The following LRCH1 variants were observed in gnomAD, a reference collection of about 807,000 sequenced individuals.
The protein encoded by LRCH1 is leucine rich repeats and calponin homology domain containing 1, also known as leucine-rich repeat and calponin homology domain-containing protein 1.
In LRCH1, 23 loss-of-function variants were observed where a neutral mutation model predicts 94.9. The ratio of observed to expected loss-of-function variants is 0.24; its 90% CI spans 0.17 to 0.34. The LOEUF (loss-of-function observed/expected upper bound fraction) is 0.34, where lower values mean the gene tolerates loss of function less well. Ranked by LOEUF, LRCH1 falls within the 10% of genes least tolerant of loss-of-function variation. The pLI is 1.00. For missense variants in LRCH1, 790 were observed against 945.9 expected, an observed-to-expected ratio of 0.84 and a Z score of 2.16; for synonymous variants, 364 against 354.9, an observed-to-expected ratio of 1.03 and a Z score of -0.29.
chr13:46,736,686 C>T (rs1049927482), intron 19 of LRCH1, among the ~76,000 whole-genome samples: 1 of 152,114 alleles, frequency 6.6e-6, no homozygotes, highest in African/African-American at 2.4e-5. Context: ...CACTGATTTC[C>T]TAGTAGTCAG....
chr13:46,661,372 G>C (rs1283068787), intron 2 of LRCH1, among the ~76,000 whole-genome samples: 1 of 152,192 alleles, frequency 6.6e-6, no homozygotes, highest in African/African-American at 2.4e-5. Flanking sequence ...AATCGTCTTA[G>C]TGCCAACACA....
chr13:46,715,564 A>C lies in LRCH1; in HGVS notation c.1659A>C (p.Pro553=), dbSNP rs759599859. Residue 553 remains proline (P), a synonymous_variant, in exon 16 of 20, where the codon CCA becomes CCC. Coordinates refer to ENST00000389797, the MANE Select transcript of LRCH1 (RefSeq NM_001164211.2). ...APFGLKPRSD[P]ALILPPISFN... The stretch of plus-strand genomic sequence containing the variant: ...GGCTCTCTGGCTCCCCTGCAGACCC[A>C]GCCCTCATTCTTCCTCCTATCTCCT... 1 of 1,535,656 alleles carries C rather than the reference A, an allele frequency of 6.5e-7. No homozygotes were observed. The highest frequency in any genetic ancestry group is 8.7e-7 in the Non-Finnish European group (1 of 1,145,378).
At chr13:46,588,631 C>T (rs1217709657) in intron 1 of LRCH1, among the ~76,000 whole-genome samples, 5 of 131,256 alleles carry the variant, frequency 3.8e-5, no homozygotes, top group African/African-American at 1.1e-4. Flanking sequence ...ACAGTCATCT[C>T]GCTCTGTCAC....
intron 3 of LRCH1, among the ~76,000 whole-genome samples, chr13:46,676,398 A>G (rs183032605): frequency 8.5e-5 from 13 of 152,310 alleles, no homozygotes; most frequent in African/African-American, 3.1e-4. Context: ...GATGTAGCAA[A>G]TGGACTTTCC....
chr13:46,598,396 C>G (rs567464546), intron 1 of LRCH1, among the ~76,000 whole-genome samples: 2 of 151,112 alleles, frequency 1.3e-5, no homozygotes, highest in Non-Finnish European at 2.9e-5. Flanking sequence ...TTGCTTGTCT[C>G]GGGGGAAAAG....
chr13:46,727,839 T>C (rs1872897489), intron 17 of LRCH1, among the ~76,000 whole-genome samples: 1 of 152,126 alleles, frequency 6.6e-6, no homozygotes, highest in South Asian at 2.1e-4. Flanking sequence ...AAATCAAAAG[T>C]TTAATTTTTA....
intron 3 of LRCH1, among the ~76,000 whole-genome samples, chr13:46,676,940 A>ATT (rs1486021617): frequency 1.3e-5 from 2 of 152,002 alleles, no homozygotes; most frequent in African/African-American, 4.8e-5. Context: ...ACCATGCCCG[A>ATT]CTAATTTTTT....
intron 11 of LRCH1, among the ~76,000 whole-genome samples, chr13:46,702,084 A>G (rs1369557651): frequency 2.0e-5 from 3 of 152,248 alleles, no homozygotes; most frequent in African/African-American, 4.8e-5. Context: ...TTCTGCAGAC[A>G]TTAATTGAGT....
At chr13:46,615,626 C>A (rs757679597) in intron 1 of LRCH1, among the ~76,000 whole-genome samples, 46 of 152,150 alleles carry the variant, frequency 3.0e-4, no homozygotes, top group Non-Finnish European at 4.4e-4. Context: ...TCAAGATATT[C>A]ATGATGGATC....
intron 1 of LRCH1, among the ~76,000 whole-genome samples, chr13:46,617,102 C>T (rs983803884): frequency 8.5e-5 from 13 of 152,154 alleles, no homozygotes; most frequent in African/African-American, 2.4e-4. Flanking sequence ...ACAGGGGATG[C>T]GATGGCTTGG....
At chr13:46,600,215 T>C (rs2137980520) in intron 1 of LRCH1, among the ~76,000 whole-genome samples, 1 of 152,324 alleles carries the variant, frequency 6.6e-6, no homozygotes, top group South Asian at 2.1e-4. Context: ...ACATAAACAT[T>C]TTTATTCTCA....
chr13:46,743,755 C>T lies in LRCH1; in HGVS notation c.*1907C>T. ...ATGGGAAAAAAAAAAAGAAAACTTA[C>T]TGGGTTGCCACCTTAAAATAATATC... On this transcript the variant is annotated 3_prime_UTR_variant, in exon 20 of 20. Coordinates refer to ENST00000389797, the MANE Select transcript of LRCH1 (RefSeq NM_001164211.2). 3 of 984,456 alleles carry T rather than the reference C, an allele frequency of 3.0e-6. No individual in the cohort carries two copies. Among genetic ancestry groups the T allele is most frequent in the South Asian group, 4.7e-5 (1 of 21,266 alleles). The allele number at this position is 984,456 out of a possible 1,614,324, so 61.0% of individuals were successfully genotyped here.
chr13:46,641,799 C>A (rs1338042789), intron 1 of LRCH1, among the ~76,000 whole-genome samples: 2 of 152,200 alleles, frequency 1.3e-5, no homozygotes, highest in Non-Finnish European at 2.9e-5. Context: ...GCTGACTGCA[C>A]ACCAGATTCC....
exon 19 of LRCH1, chr13:46,751,137 ATAT>A (rs1312117930): frequency 1.3e-5 from 2 of 152,114 alleles, no homozygotes; most frequent in Admixed American, 6.5e-5. Context: ...ATTTATATAA[ATAT>A]TATTTATTAG....
At chr13:46,646,037 A>G (rs915200447) in intron 1 of LRCH1, among the ~76,000 whole-genome samples, 44 of 152,210 alleles carry the variant, frequency 2.9e-4, no homozygotes, top group Non-Finnish European at 1.3e-4. Flanking sequence ...GCACTGTAGC[A>G]CATCAAGACC....
At chr13:46,682,303 CAT>C (rs1165430543) in intron 4 of LRCH1, among the ~76,000 whole-genome samples, 2 of 152,098 alleles carry the variant, frequency 1.3e-5, no homozygotes, top group African/African-American at 2.4e-5. Context: ...CCCCTCTGCA[CAT>C]GTCTGTGTCC....
At chr13:46,697,159 C>G in intron 9 of LRCH1, among the ~76,000 whole-genome samples, 1 of 152,172 alleles carries the variant, frequency 6.6e-6, no homozygotes, top group Non-Finnish European at 1.5e-5. Context: ...TTTCATTATT[C>G]ACAGCAGTTA....
intron 3 of LRCH1, among the ~76,000 whole-genome samples, chr13:46,673,587 AT>A (rs1325867908): frequency 6.6e-6 from 1 of 152,182 alleles, no homozygotes; most frequent in Non-Finnish European, 1.5e-5. Context: ...TAACCAACTT[AT>A]TATAAGATTT....
At chr13:46,617,338 C>T (rs953043438) in intron 1 of LRCH1, among the ~76,000 whole-genome samples, 2 of 152,200 alleles carry the variant, frequency 1.3e-5, no homozygotes, top group Non-Finnish European at 2.9e-5. Context: ...GTTACTAACT[C>T]GCTGTGTGGG....
Sources: gnomAD v4.1 joint callset for allele counts (sites outside exome capture counted in the v4.1 genomes callset) on GRCh38, gnomAD v4.1.1 for gene constraint, MANE v1.5 for transcripts, NCBI Gene and HGNC (gene_info 2026-07-23, HGNC 2026-07-21) for gene names.